Variants in TNRC6A observed in about 807,000 individuals in gnomAD.
The protein encoded by TNRC6A is trinucleotide repeat containing adaptor 6A.
In TNRC6A, 44 loss-of-function variants were observed where a neutral mutation model predicts 221.2. That is an observed-to-expected ratio of 0.20 (90% CI 0.16 to 0.26). The LOEUF (loss-of-function observed/expected upper bound fraction) is 0.26, where lower values mean the gene tolerates loss of function less well. Ranked by LOEUF, TNRC6A falls within the 10% of genes least tolerant of loss-of-function variation. The pLI, the probability that TNRC6A is intolerant of heterozygous loss-of-function variation, is 1.00. For synonymous variants in TNRC6A, 847 were observed against 838.5 expected (o/e 1.01, Z -0.18); for missense variants, 2,199 against 2,404.4 (o/e 0.91, Z 1.79).
chr16:24,617,940 G>A (rs1051637162), intron 1 of TNRC6A, among the ~76,000 whole-genome samples: 1 of 151,742 alleles, frequency 6.6e-6, no homozygotes, highest in Non-Finnish European at 1.5e-5. Context: ...TCACTCTATC[G>A]CCCAGGCTGG....
chr16:24,765,628 A>G (rs940446079), intron 4 of TNRC6A, among the ~76,000 whole-genome samples: 2 of 152,172 alleles, frequency 1.3e-5, no homozygotes, highest in African/African-American at 4.8e-5. Context: ...ATAGGTTCAT[A>G]CCGGTTAAGA....
chr16:24,655,030 C>T (rs1039861330), intron 2 of TNRC6A, among the ~76,000 whole-genome samples: 1 of 151,264 alleles, frequency 6.6e-6, no homozygotes. Context: ...ATCACTTGAG[C>T]CCAGGAGTTC....
At chr16:24,820,784 C>T (rs116520409) in intron 22 of TNRC6A, among the ~76,000 whole-genome samples, 4,601 of 152,282 alleles carry the variant, frequency 0.03, 241 homozygotes, top group African/African-American at 0.1. Flanking sequence ...ACATGGCCAA[C>T]AGGCATAAGC....
chr16:24,632,669 C>G (rs4787647), intron 1 of TNRC6A, among the ~76,000 whole-genome samples: 1 of 151,806 alleles, frequency 6.6e-6, no homozygotes, highest in African/African-American at 2.4e-5. Context: ...TCTGATCCCA[C>G]GATACCCCTA....
At chr16:24,758,086 T>C (rs1394936144) in intron 3 of TNRC6A, among the ~76,000 whole-genome samples, 1 of 152,238 alleles carries the variant, frequency 6.6e-6, no homozygotes, top group Non-Finnish European at 1.5e-5. Flanking sequence ...TACAGTGATG[T>C]CTTCTATGCT....
intron 5 of TNRC6A, among the ~76,000 whole-genome samples, chr16:24,788,287 T>A (rs2058018174): frequency 1.3e-5 from 2 of 152,258 alleles, no homozygotes; most frequent in Non-Finnish European, 2.9e-5. Context: ...TTCTTTTATA[T>A]AAATGTGGTT....
chr16:24,674,607 G>A (rs1434891735), intron 2 of TNRC6A, among the ~76,000 whole-genome samples: 1 of 151,640 alleles, frequency 6.6e-6, no homozygotes, highest in Non-Finnish European at 1.5e-5. Context: ...CATAAAAGCA[G>A]GCAAATTCAA....
chr16:24,622,107 C>T (rs1567304187), intron 1 of TNRC6A, among the ~76,000 whole-genome samples: 1 of 151,990 alleles, frequency 6.6e-6, no homozygotes, highest in Non-Finnish European at 1.5e-5. Flanking sequence ...GTGTTTTTTC[C>T]CGAACCAAGT....
intron 2 of TNRC6A, among the ~76,000 whole-genome samples, chr16:24,691,405 C>T (rs1293008393): frequency 6.6e-6 from 1 of 151,916 alleles, no homozygotes; most frequent in Non-Finnish European, 1.5e-5. Context: ...TTAAATAAAG[C>T]ATCAAGCTCA....
intron 2 of TNRC6A, among the ~76,000 whole-genome samples, chr16:24,675,239 G>A (rs2055384627): frequency 6.6e-6 from 1 of 152,198 alleles, no homozygotes; most frequent in South Asian, 2.1e-4. Context: ...AAGCTGTGTT[G>A]TGGACAGACA....
At position 24,824,900 on chromosome 16, in the gene TNRC6A, C is replaced by T. The variant is rs949325592; in HGVS notation, c.*1093C>T. The T allele has an allele frequency of 3.3e-5, 5 of 152,244 alleles. No individual in the cohort carries two copies. The highest frequency in any genetic ancestry group is 2.0e-4 in the Admixed American group (3 of 15,246). The allele number at this position is 152,244 out of a possible 1,614,324, so 9.4% of individuals were successfully genotyped here. A position where few individuals can be genotyped will look rare whatever the true frequency, so the allele number is the denominator to read the frequency against. ...CAAAAAAAAAGAAAAAACAAAAAAA[C>T]GCTTAAAGCTGGAGTTTGACATTCT... On this transcript the variant is annotated 3_prime_UTR_variant, in exon 25 of 25. Transcript: ENST00000395799.
At chr16:24,655,689 C>CAA (rs199874841) in intron 2 of TNRC6A, among the ~76,000 whole-genome samples, 4 of 144,680 alleles carry the variant, frequency 2.8e-5, no homozygotes, top group African/African-American at 7.6e-5. Flanking sequence ...AATTCTGTCT[C>CAA]AAAAAAAAAA....
chr16:24,798,121 T>C (rs942870982), intron 11 of TNRC6A, 155 bp downstream of exon 11: 14 of 544,334 alleles, frequency 2.6e-5, no homozygotes, highest in Non-Finnish European at 3.9e-5. Context: ...TGCATGTGCC[T>C]TGAAAGTGCA....
intron 1 of TNRC6A, among the ~76,000 whole-genome samples, chr16:24,637,435 A>G (rs561003784): frequency 6.6e-6 from 1 of 152,300 alleles, no homozygotes; most frequent in South Asian, 2.1e-4. Flanking sequence ...TACTTGTTCA[A>G]AGAGTACGAG....
chr16:24,787,479 C>T (rs1414732194), intron 5 of TNRC6A, among the ~76,000 whole-genome samples: 1 of 152,206 alleles, frequency 6.6e-6, no homozygotes, highest in Non-Finnish European at 1.5e-5. Flanking sequence ...AGACATAGTA[C>T]TGAATGCCAA....
chr16:24,629,825 G>A (rs79178558), intron 1 of TNRC6A, among the ~76,000 whole-genome samples: 76 of 152,096 alleles, frequency 5.0e-4, no homozygotes, highest in African/African-American at 1.8e-3. Flanking sequence ...CAAAAAGTAA[G>A]CTAGGTGTGC....
chr16:24,651,981 TAG>T (rs1218300623), intron 2 of TNRC6A, among the ~76,000 whole-genome samples: 1 of 151,196 alleles, frequency 6.6e-6, no homozygotes, highest in Non-Finnish European at 1.5e-5. Flanking sequence ...GATGGATAGA[TAG>T]AGACACAGAA....
intron 4 of TNRC6A, among the ~76,000 whole-genome samples, chr16:24,770,677 A>C (rs182595329): frequency 2.0e-5 from 3 of 152,206 alleles, no homozygotes; most frequent in Non-Finnish European, 4.4e-5. Flanking sequence ...CCCTCCTTCT[A>C]TCTGCTGCTT....
intron 4 of TNRC6A, among the ~76,000 whole-genome samples, chr16:24,764,016 G>A (rs1239318028): frequency 6.6e-6 from 1 of 152,068 alleles, no homozygotes; most frequent in Non-Finnish European, 1.5e-5. Context: ...CGAATTTCCA[G>A]TATACAATAC....
Sources: allele counts gnomAD v4.1 joint callset (sites outside exome capture counted in the v4.1 genomes callset), GRCh38; gene constraint gnomAD v4.1.1; transcripts MANE v1.5; gene names NCBI Gene and HGNC (gene_info 2026-07-23, HGNC 2026-07-21).